The following GLIS3 variants were observed in gnomAD, a reference collection of about 807,000 sequenced individuals.
The protein encoded by GLIS3 is GLIS family zinc finger 3, also known as zinc finger protein GLIS3.
A neutral mutation model predicts 78.6 loss-of-function variants in GLIS3; 53 were observed. That is an observed-to-expected ratio of 0.67 (90% CI 0.54 to 0.85). The LOEUF (loss-of-function observed/expected upper bound fraction) is 0.85, where lower values mean the gene tolerates loss of function less well. Among genes scored for constraint, GLIS3 ranks in the 40% least tolerant of loss-of-function variants. GLIS3 has a pLI of 0.00. For synonymous variants in GLIS3, 684 were observed against 509.9 expected (o/e 1.34, Z -4.60); for missense variants, 1,703 against 1,231.1 (o/e 1.38, Z -5.74).
At chr9:4,041,251 G>T (rs1331020162) in intron 4 of GLIS3, among the ~76,000 whole-genome samples, 1 of 152,186 alleles carries the variant, frequency 6.6e-6, no homozygotes, top group African/African-American at 2.4e-5. Context: ...ACAAGGGGGT[G>T]GGAGTGGAAG....
the GLIS3 span, among the ~76,000 whole-genome samples, chr9:4,471,320 A>G: frequency 7.9e-5 from 12 of 152,368 alleles, no homozygotes; most frequent in East Asian, 1.9e-3. Context: ...CCAAAAGAAC[A>G]AAGCTGGAGG....
At chr9:4,490,014 T>C in the GLIS3 span, among the ~76,000 whole-genome samples, 2 of 152,238 alleles carry the variant, frequency 1.3e-5, no homozygotes, top group South Asian at 2.1e-4. Flanking sequence ...CCAGCCTGAG[T>C]AGCCGAGCAA....
At chr9:4,440,718 G>C in the GLIS3 span, among the ~76,000 whole-genome samples, 1 of 151,996 alleles carries the variant, frequency 6.6e-6, no homozygotes, top group Non-Finnish European at 1.5e-5. Flanking sequence ...TTTTGACAGG[G>C]GTTGCATTGA....
intron 2 of GLIS3, among the ~76,000 whole-genome samples, chr9:4,138,904 C>A (rs1833602622): frequency 6.6e-6 from 1 of 152,128 alleles, no homozygotes; most frequent in Non-Finnish European, 1.5e-5. Flanking sequence ...CAAAGAGCTA[C>A]AGTAGACTTG....
At chr9:3,852,335 G>A (rs1047551488) in intron 9 of GLIS3, among the ~76,000 whole-genome samples, 2 of 152,118 alleles carry the variant, frequency 1.3e-5, no homozygotes, top group Non-Finnish European at 2.9e-5. Flanking sequence ...AGAAATGGGG[G>A]TGACTACACT....
At chr9:4,399,306 TTTA>T in the GLIS3 span, among the ~76,000 whole-genome samples, 1 of 152,232 alleles carries the variant, frequency 6.6e-6, no homozygotes, top group Non-Finnish European at 1.5e-5. Flanking sequence ...TAAATAGTGA[TTTA>T]TTTTTTAAAA....
At chr9:4,036,427 G>A (rs1276669558) in intron 4 of GLIS3, among the ~76,000 whole-genome samples, 1 of 152,172 alleles carries the variant, frequency 6.6e-6, no homozygotes, top group Non-Finnish European at 1.5e-5. Flanking sequence ...ATAAAGAGTG[G>A]GTTTTTGAAA....
At chr9:4,073,232 G>T (rs1827767072) in intron 4 of GLIS3, among the ~76,000 whole-genome samples, 1 of 152,156 alleles carries the variant, frequency 6.6e-6, no homozygotes, top group African/African-American at 2.4e-5. Context: ...CTACAGCTGG[G>T]CTAGCATAGA....
intron 10 of GLIS3, among the ~76,000 whole-genome samples, chr9:3,829,026 G>A (rs1404057317): frequency 1.3e-5 from 2 of 152,128 alleles, no homozygotes; most frequent in Non-Finnish European, 2.9e-5. Context: ...GTAGTATGGA[G>A]GGCAGAATGG....
intron 6 of GLIS3, among the ~76,000 whole-genome samples, chr9:3,902,904 T>A (rs1457655878): frequency 2.0e-5 from 3 of 152,236 alleles, no homozygotes; most frequent in Non-Finnish European, 2.9e-5. Context: ...TCTGAAGTAG[T>A]GACTTTGGGC....
At chr9:4,414,728 C>A in the GLIS3 span, among the ~76,000 whole-genome samples, 1 of 152,214 alleles carries the variant, frequency 6.6e-6, no homozygotes, top group South Asian at 2.1e-4. Flanking sequence ...TTAGCAAGAA[C>A]CCTGCTAAAT....
intron 2 of GLIS3, among the ~76,000 whole-genome samples, chr9:4,182,266 T>C (rs1395529282): frequency 6.6e-6 from 1 of 152,202 alleles, no homozygotes; most frequent in Non-Finnish European, 1.5e-5. Flanking sequence ...TTTTTTGGAA[T>C]GTGAATCCCT....
chr9:4,382,063 A>T, the GLIS3 span, among the ~76,000 whole-genome samples: 1 of 152,276 alleles, frequency 6.6e-6, no homozygotes, highest in South Asian at 2.1e-4. Context: ...TACAGATACT[A>T]ATCTCGGAAT....
At chr9:4,136,784 G>T (rs1476033874) in intron 2 of GLIS3, among the ~76,000 whole-genome samples, 2 of 152,114 alleles carry the variant, frequency 1.3e-5, no homozygotes, top group African/African-American at 4.8e-5. Flanking sequence ...GAGCTTAGAG[G>T]GTTGGTTCAA....
At chr9:4,217,530 T>G (rs940446576) in intron 2 of GLIS3, among the ~76,000 whole-genome samples, 1 of 152,170 alleles carries the variant, frequency 6.6e-6, no homozygotes, top group African/African-American at 2.4e-5. Flanking sequence ...ATCATCTGCC[T>G]ATAAAGAGAT....
the GLIS3 span, among the ~76,000 whole-genome samples, chr9:4,487,351 C>G: frequency 2.0e-5 from 3 of 152,124 alleles, no homozygotes; most frequent in African/African-American, 7.2e-5. Flanking sequence ...AGGGAGTGTT[C>G]TAAGCCTTTC....
At chr9:4,203,714 C>G (rs933848326) in intron 2 of GLIS3, among the ~76,000 whole-genome samples, 3 of 152,090 alleles carry the variant, frequency 2.0e-5, no homozygotes, top group African/African-American at 7.2e-5. Flanking sequence ...TAGGTGCCCC[C>G]GTCAGTGGTG....
chr9:4,480,200 CTTTT>C, the GLIS3 span, among the ~76,000 whole-genome samples: 1 of 93,882 alleles, frequency 1.1e-5, no homozygotes. Flanking sequence ...GCTGGGCTTT[CTTTT>C]TTTTTTTTTT....
intron 2 of GLIS3, among the ~76,000 whole-genome samples, chr9:4,172,097 T>G (rs182419371): frequency 2.6e-5 from 4 of 152,260 alleles, no homozygotes; most frequent in African/African-American, 7.2e-5. Context: ...ATATGAGAAA[T>G]GAAGTTTAGC....
Sources: allele counts gnomAD v4.1 joint callset (sites outside exome capture counted in the v4.1 genomes callset), GRCh38; gene constraint gnomAD v4.1.1; transcripts MANE v1.5; gene names NCBI Gene and HGNC (gene_info 2026-07-23, HGNC 2026-07-21).